EPHA6: variants seen among roughly 807,000 people sequenced by gnomAD.
EPHA6 encodes ephrin type-A receptor 6.
A neutral mutation model predicts 112.0 loss-of-function variants in EPHA6; 50 were observed. That is an observed-to-expected ratio of 0.45 (90% CI 0.36 to 0.56). EPHA6 has a LOEUF of 0.56. Among genes scored for constraint, EPHA6 ranks in the 20% least tolerant of loss-of-function variants. EPHA6 has a pLI of 0.00. For missense variants in EPHA6, 1,280 were observed against 1,417.4 expected (o/e 0.90, Z 1.56); for synonymous variants, 529 against 490.7 (o/e 1.08, Z -1.03).
chr3:96,995,152 A>T (rs974910338), intron 3 of EPHA6, among the ~76,000 whole-genome samples: 1 of 152,050 alleles, frequency 6.6e-6, no homozygotes, highest in African/African-American at 2.4e-5. Flanking sequence ...TCATGGCGCA[A>T]TCCTCTGCTG....
chr3:96,904,824 C>T (rs967373752), intron 2 of EPHA6, among the ~76,000 whole-genome samples: 3 of 151,978 alleles, frequency 2.0e-5, no homozygotes, highest in African/African-American at 7.2e-5. Context: ...TGATGACATG[C>T]ATAAGCTTCT....
At chr3:97,066,497 G>A (rs970416896) in intron 3 of EPHA6, among the ~76,000 whole-genome samples, 1 of 152,178 alleles carries the variant, frequency 6.6e-6, no homozygotes, top group African/African-American at 2.4e-5. Flanking sequence ...GAAAACTAGA[G>A]AAGAGAAAGG....
intron 1 of EPHA6, among the ~76,000 whole-genome samples, chr3:96,816,482 T>C (rs1207909090): frequency 6.6e-6 from 1 of 152,136 alleles, no homozygotes; most frequent in Non-Finnish European, 1.5e-5. Flanking sequence ...AGGTAGAAGA[T>C]TGTTAAAAAA....
intron 3 of EPHA6, among the ~76,000 whole-genome samples, chr3:97,154,233 A>G (rs2076238396): frequency 6.6e-6 from 1 of 151,512 alleles, no homozygotes; most frequent in South Asian, 2.1e-4. Flanking sequence ...AAATTTGCAT[A>G]TATTGGGAAG....
At chr3:97,550,660 C>T (rs1226731880) in intron 11 of EPHA6, among the ~76,000 whole-genome samples, 1 of 152,000 alleles carries the variant, frequency 6.6e-6, no homozygotes, top group East Asian at 1.9e-4. Flanking sequence ...AATGATGTCA[C>T]CAAGAAGTAT....
chr3:97,175,453 AT>A (rs2076811268), intron 3 of EPHA6, among the ~76,000 whole-genome samples: 1 of 151,890 alleles, frequency 6.6e-6, no homozygotes, highest in Non-Finnish European at 1.5e-5. Flanking sequence ...TTTGATAGGA[AT>A]TGTGTTAGAT....
At chr3:97,290,787 A>G (rs1405727288) in intron 5 of EPHA6, among the ~76,000 whole-genome samples, 1 of 151,718 alleles carries the variant, frequency 6.6e-6, no homozygotes, top group Non-Finnish European at 1.5e-5. Context: ...TAGTCTAGGT[A>G]GTGGTTAATT....
intron 3 of EPHA6, among the ~76,000 whole-genome samples, chr3:97,184,644 G>A (rs2077074373): frequency 6.6e-6 from 1 of 152,154 alleles, no homozygotes; most frequent in South Asian, 2.1e-4. Flanking sequence ...ACTGCCCAAA[G>A]TAAGTTATAG....
intron 14 of EPHA6, among the ~76,000 whole-genome samples, chr3:97,675,410 G>A (rs1271334761): frequency 6.6e-6 from 1 of 152,170 alleles, no homozygotes; most frequent in African/African-American, 2.4e-5. Context: ...AGCCTGGGAG[G>A]TGGAGGTTGC....
At chr3:97,732,752 A>G (rs766215121) in intron 15 of EPHA6, among the ~76,000 whole-genome samples, 1 of 152,066 alleles carries the variant, frequency 6.6e-6, no homozygotes, top group Non-Finnish European at 1.5e-5. Flanking sequence ...AAAAGAGTTA[A>G]CACATGAACA....
In EPHA6 at chr3:97,636,217, T is replaced by G. The variant is rs146553406; in HGVS notation, c.2575-1656T>G. On this transcript the variant is annotated intron_variant, in intron 13 of 17. Transcript: ENST00000389672. Reference sequence around the variant, plus strand: ...AGAATTATGATAGGAGGCAACTCCATTTTTGAATAGGTAAAAAAGCCAACT... The same window carrying G: ...AGAATTATGATAGGAGGCAACTCCAGTTTTGAATAGGTAAAAAAGCCAACT... 6.1e-3 allele frequency among the ~76,000 whole-genome samples: 931 copies of G among 152,236 alleles called. 2 individuals carry two copies. Among genetic ancestry groups the G allele is most frequent in the Non-Finnish European group, 0.011 (762 of 68,000 alleles).
At chr3:97,284,210 C>T (rs2080386246) in intron 5 of EPHA6, among the ~76,000 whole-genome samples, 1 of 152,104 alleles carries the variant, frequency 6.6e-6, no homozygotes, top group African/African-American at 2.4e-5. Context: ...ATAGTCAATA[C>T]TTCTTTCTAA....
chr3:97,641,880 C>G lies in EPHA6; in HGVS notation c.2784+3798C>G, dbSNP rs965082057. 2.3e-3 allele frequency among the ~76,000 whole-genome samples: 354 copies of G among 151,924 alleles called. 3 individuals are homozygous for G. The highest frequency in any genetic ancestry group is 8.1e-3 in the African/African-American group (335 of 41,464). On this transcript the variant is annotated intron_variant, in intron 14 of 17. Coordinates refer to ENST00000389672, the MANE Select transcript of EPHA6 (RefSeq NM_001080448.3). ...GCTGGGGGAGGGGCGCCCGCCATTG[C>G]CCAGGCTTGCTTAGGTAAACAAAGC...
intron 3 of EPHA6, among the ~76,000 whole-genome samples, chr3:97,133,525 G>C (rs1353566758): frequency 6.6e-6 from 1 of 151,954 alleles, no homozygotes; most frequent in Non-Finnish European, 1.5e-5. Context: ...GGCTATAAAA[G>C]CTTACTTTCA....
chr3:97,361,590 C>G (rs137932021), intron 5 of EPHA6, among the ~76,000 whole-genome samples: 1 of 152,232 alleles, frequency 6.6e-6, no homozygotes, highest in African/African-American at 2.4e-5. Flanking sequence ...GCTGGTGGGA[C>G]TCTGCAGAGT....
chr3:97,000,597 C>A (rs2043617624), intron 3 of EPHA6, among the ~76,000 whole-genome samples: 1 of 151,410 alleles, frequency 6.6e-6, no homozygotes, highest in African/African-American at 2.4e-5. Context: ...TTATCTGTAT[C>A]CAATGAGTAG....
intron 7 of EPHA6, among the ~76,000 whole-genome samples, chr3:97,465,891 G>A (rs1288281026): frequency 6.6e-6 from 1 of 151,908 alleles, no homozygotes; most frequent in Non-Finnish European, 1.5e-5. Flanking sequence ...AATTAGATAG[G>A]TTTCAATTAA....
Position 97,031,245 on chromosome 3 carries a change from G to A in EPHA6, c.1114+43252G>A, listed in dbSNP as rs534296130. 1.3e-4 allele frequency among the ~76,000 whole-genome samples: 20 copies of A among 152,182 alleles called. No individual in the cohort carries two copies. The East Asian group carries it at 3.9e-3, about 29-fold the overall frequency. On this transcript the variant is annotated intron_variant, in intron 3 of 17. Transcript: ENST00000389672. ...TGCTGGGAAAACTGGCTAGCCATAG[G>A]TAGAAAGCTGAAACTGGATCCATTC...
chr3:97,079,954 A>C (rs1003698634), intron 3 of EPHA6, among the ~76,000 whole-genome samples: 11 of 151,624 alleles, frequency 7.3e-5, no homozygotes, highest in African/African-American at 2.7e-4. Flanking sequence ...TGTTTTCAAC[A>C]TGTTGCTGTT....
Sources: allele counts gnomAD v4.1 joint callset (sites outside exome capture counted in the v4.1 genomes callset), GRCh38; gene constraint gnomAD v4.1.1; transcripts MANE v1.5; gene names NCBI Gene and HGNC (gene_info 2026-07-23, HGNC 2026-07-21).